The following BICC1 variants were observed in gnomAD, a reference collection of about 807,000 sequenced individuals.
BICC1 encodes the protein BicC family RNA binding protein 1, also known as protein bicaudal C homolog 1.
In BICC1, 43 loss-of-function variants were observed where a neutral mutation model predicts 111.0. That is an observed-to-expected ratio of 0.39 (90% confidence interval 0.30 to 0.50). The LOEUF is 0.50. BICC1 is among the 20% of genes least tolerant of loss of function. The probability of loss-of-function intolerance (pLI) is 0.88; values close to 1 mark genes in which losing one functional copy is unlikely to be tolerated. For missense variants in BICC1, 1,091 were observed against 1,203.2 expected (o/e 0.91, Z 1.38); for synonymous variants, 467 against 434.4 (o/e 1.07, Z -0.93).
At chr10:58,686,165 T>C (rs1353046108) in intron 2 of BICC1, among the ~76,000 whole-genome samples, 2 of 152,238 alleles carry the variant, frequency 1.3e-5, no homozygotes, top group African/African-American at 4.8e-5. Flanking sequence ...TTGAAAATTC[T>C]TTTCTTTAAG....
At chr10:58,590,918 T>A in intron 1 of BICC1, among the ~76,000 whole-genome samples, 1 of 151,962 alleles carries the variant, frequency 6.6e-6, no homozygotes, top group East Asian at 1.9e-4. Context: ...AAATGTAGGG[T>A]TTTGCTTTTA....
chr10:58,585,181 A>G (rs944285491), intron 1 of BICC1, among the ~76,000 whole-genome samples: 2 of 152,018 alleles, frequency 1.3e-5, no homozygotes, highest in African/African-American at 2.4e-5. Context: ...CAGTATTGCT[A>G]TTTTTTTCCC....
chr10:58,583,964 G>A (rs1205777215), intron 1 of BICC1, among the ~76,000 whole-genome samples: 1 of 151,796 alleles, frequency 6.6e-6, no homozygotes, highest in Non-Finnish European at 1.5e-5. Context: ...CACTGCACCT[G>A]GCCACTTTTT....
chr10:58,687,668 C>T (rs1839780124), intron 2 of BICC1, among the ~76,000 whole-genome samples: 1 of 152,216 alleles, frequency 6.6e-6, no homozygotes, highest in Non-Finnish European at 1.5e-5. Flanking sequence ...ATCTTCCAAG[C>T]CTGGCACGGG....
intron 1 of BICC1, among the ~76,000 whole-genome samples, chr10:58,561,726 T>G (rs1468725301): frequency 6.6e-6 from 1 of 152,066 alleles, no homozygotes; most frequent in East Asian, 1.9e-4. Context: ...TCAGTTAATT[T>G]TATACTTTCA....
At chr10:58,589,070 A>C (rs1207702857) in intron 1 of BICC1, among the ~76,000 whole-genome samples, 4 of 152,098 alleles carry the variant, frequency 2.6e-5, no homozygotes, top group African/African-American at 4.8e-5. Flanking sequence ...GCTGCCCTCT[A>C]CCGGTGACAC....
chr10:58,785,304 A>G (rs772491320), intron 4 of BICC1, among the ~76,000 whole-genome samples: 2 of 152,170 alleles, frequency 1.3e-5, no homozygotes, highest in Admixed American at 6.5e-5. Context: ...ACACACACCT[A>G]TATGTACCTA....
intron 3 of BICC1, among the ~76,000 whole-genome samples, chr10:58,725,163 TAAC>T (rs1841063138): frequency 6.6e-6 from 1 of 152,324 alleles, no homozygotes; most frequent in East Asian, 1.9e-4. Context: ...ACTGGCATAA[TAAC>T]ATGCACAGAA....
chr10:58,513,362 CCGACT>C, intron 1 of BICC1, 29 bp downstream of exon 1: 1 of 1,543,880 alleles, frequency 6.5e-7, no homozygotes, highest in Non-Finnish European at 8.8e-7. Context: ...CTCGGACTCT[CCGACT>C]GAGCCTCTAA....
chr10:58,687,290 G>A lies in BICC1; in HGVS notation c.238-14784G>A, dbSNP rs538230772. Among the ~76,000 whole-genome samples, 16 of 152,308 alleles carry A rather than the reference G, an allele frequency of 1.1e-4. No individual in the cohort carries two copies. The East Asian group carries it at 3.1e-3, about 29-fold the overall frequency. On this transcript the variant is annotated intron_variant, in intron 2 of 20. Transcript: ENST00000373886. ...ACATGTGAGTCGGCCTCCACTGGGA[G>A]GTGTCTCCCAGTTAGGCTACTCAGG...
At chr10:58,523,519 A>G (rs1213330725) in intron 1 of BICC1, among the ~76,000 whole-genome samples, 1 of 152,260 alleles carries the variant, frequency 6.6e-6, no homozygotes, top group East Asian at 1.9e-4. Flanking sequence ...CATGCTAAAA[A>G]CTCTCAATAA....
chr10:58,666,660 G>C (rs753885099), intron 2 of BICC1, among the ~76,000 whole-genome samples: 4 of 151,946 alleles, frequency 2.6e-5, no homozygotes, highest in Admixed American at 6.6e-5. Flanking sequence ...GTATGCTCTT[G>C]GGCAAGTTAC....
chr10:58,685,148 A>C (rs1227278443), intron 2 of BICC1, among the ~76,000 whole-genome samples: 1 of 152,156 alleles, frequency 6.6e-6, no homozygotes, highest in African/African-American at 2.4e-5. Flanking sequence ...ATTCAGGAGC[A>C]GGTTGTTCAG....
At position 58,715,981 on chromosome 10, in the gene BICC1, G is replaced by T. The variant is rs1383820386; in HGVS notation, c.307+13838G>T. ...GAAGAACCGTTCACATAAATCTTCT[G>T]AAAGCTCCATGTCAGAAACTGAATC... On this transcript the variant is annotated intron_variant, in intron 3 of 20. Transcript: ENST00000373886. 2.6e-5 allele frequency: 36 copies of T among 1,401,284 alleles called. No homozygotes were observed. In the Admixed American group the frequency reaches 7.2e-4, roughly 28 times the overall value. The allele number at this position is 1,401,284 out of a possible 1,614,324, so 86.8% of individuals were successfully genotyped here.
Position 58,787,090 on chromosome 10 carries a change from T to G in BICC1, c.546+9T>G. The G allele has an allele frequency of 6.4e-7, 1 of 1,563,878 alleles. No individual in the cohort carries two copies. The highest frequency in any genetic ancestry group is 8.6e-7 in the Non-Finnish European group (1 of 1,161,358). ...CAGAAAAAAGCAACCAGGTGGTTTG[T>G]CTTTTCACATGAACTTTTATGGGAT... On this transcript the variant is annotated intron_variant, in intron 5 of 20. Coordinates refer to ENST00000373886, the MANE Select transcript of BICC1 (RefSeq NM_001080512.3).
intron 20 of BICC1, among the ~76,000 whole-genome samples, chr10:58,825,318 A>T (rs150539664): frequency 1.3e-3 from 202 of 152,292 alleles, no homozygotes; most frequent in African/African-American, 4.7e-3. Flanking sequence ...GTTTTTCAAT[A>T]AATATATTGA....
At chr10:58,786,102 A>G (rs889169236) in intron 4 of BICC1, among the ~76,000 whole-genome samples, 16 of 152,326 alleles carry the variant, frequency 1.1e-4, no homozygotes, top group African/African-American at 2.6e-4. Context: ...CACAAGGTAT[A>G]AAAATATTTT....
In BICC1 at chr10:58,802,112, G is replaced by C. The variant is rs115873505; in HGVS notation, c.2016-965G>C. Among the ~76,000 whole-genome samples the C allele has an allele frequency of 2.3e-3, 352 of 152,180 alleles. 1 individual carries two copies. Among genetic ancestry groups the C allele is most frequent in the African/African-American group, 7.9e-3 (329 of 41,514 alleles). On this transcript the variant is annotated intron_variant, in intron 14 of 20. Coordinates refer to ENST00000373886, the MANE Select transcript of BICC1 (RefSeq NM_001080512.3). ...AACAGGTCTAATCTTGTCACACTCT[G>C]GCTTCAAATCACCAATGGTCTGTGT...
chr10:58,691,197 G>A (rs1005366513), intron 2 of BICC1, among the ~76,000 whole-genome samples: 6 of 152,126 alleles, frequency 3.9e-5, no homozygotes, highest in Admixed American at 2.6e-4. Flanking sequence ...ATACAGTACA[G>A]TGTTGTTATC....
Sources: allele counts gnomAD v4.1 joint callset (sites outside exome capture counted in the v4.1 genomes callset), GRCh38; gene constraint gnomAD v4.1.1; transcripts MANE v1.5; gene names NCBI Gene and HGNC (gene_info 2026-07-23, HGNC 2026-07-21).